ITFG2: variants seen among roughly 807,000 people sequenced by gnomAD.
The protein encoded by ITFG2 is integrin alpha FG-GAP repeat containing 2.
Under a neutral mutation model 54.4 loss-of-function variants are expected in ITFG2, and 36 were observed. The ratio of observed to expected loss-of-function variants is 0.66; its 90% CI spans 0.51 to 0.87. The LOEUF (loss-of-function observed/expected upper bound fraction) is 0.87, where lower values mean the gene tolerates loss of function less well. Among genes scored for constraint, ITFG2 ranks in the 40% least tolerant of loss-of-function variants. The pLI is 0.00. For missense variants in ITFG2, 524 were observed against 576.7 expected (o/e 0.91, Z 0.94); for synonymous variants, 211 against 225.4 (o/e 0.94, Z 0.57).
At chr12:2,857,394 CTTA>C (rs1425624717) in intron 2 of ITFG2, 1 of 306,894 alleles carries the variant, frequency 3.3e-6, no homozygotes, top group Non-Finnish European at 6.3e-6. Context: ...GTGAGCTTGT[CTTA>C]TTAAGAACCC....
chr12:2,842,840 A>C (rs2098044751), intron 2 of ITFG2, among the ~76,000 whole-genome samples: 1 of 152,054 alleles, frequency 6.6e-6, no homozygotes, highest in South Asian at 2.1e-4. Context: ...TCCTGATAGA[A>C]TCTCAATTCT....
chr12:2,855,278 G>A (rs1354630611), intron 2 of ITFG2: 49 of 1,517,862 alleles, frequency 3.2e-5, no homozygotes, highest in Non-Finnish European at 4.2e-5. Flanking sequence ...GGGTGGATGA[G>A]CCGCTGACGC....
chr12:2,859,456 G>A, intron 3 of ITFG2: 1 of 1,613,928 alleles, frequency 6.2e-7, no homozygotes, highest in South Asian at 1.1e-5. Flanking sequence ...TTGAAAGATG[G>A]GGCCGGGGAG....
chr12:2,854,911 G>C, intron 2 of ITFG2: 1 of 1,534,674 alleles, frequency 6.5e-7, no homozygotes, highest in South Asian at 1.2e-5. Flanking sequence ...GAAGCTCGCT[G>C]GCGGCTGGAT....
At chr12:2,846,855 C>T (rs902209731) in intron 2 of ITFG2, among the ~76,000 whole-genome samples, 1 of 151,974 alleles carries the variant, frequency 6.6e-6, no homozygotes, top group South Asian at 2.1e-4. Flanking sequence ...AACTGAGAAA[C>T]GCTCTACAAG....
At chr12:2,859,752 C>T (rs1033913859) in exon 4 of ITFG2, 3 of 952,208 alleles carry the variant, frequency 3.2e-6, no homozygotes, top group South Asian at 1.7e-5. Context: ...CTCTTTGTGT[C>T]GTTTTGAAGT....
downstream of ITFG2, among the ~76,000 whole-genome samples, chr12:2,828,941 T>C (rs564019081): frequency 6.6e-6 from 1 of 152,224 alleles, no homozygotes; most frequent in South Asian, 2.1e-4. Context: ...GTGCGGTGGC[T>C]CATGCTTGTA....
At chr12:2,855,339 G>A (rs764159593) in intron 2 of ITFG2, 15 of 1,434,028 alleles carry the variant, frequency 1.0e-5, no homozygotes, top group South Asian at 4.8e-5. Flanking sequence ...CCAGCTGGTG[G>A]TAGGCTTGCC....
intron 2 of ITFG2, among the ~76,000 whole-genome samples, chr12:2,853,132 T>C (rs2098076280): frequency 6.6e-6 from 1 of 151,942 alleles, no homozygotes; most frequent in African/African-American, 2.4e-5. Flanking sequence ...TGAGTCTCTC[T>C]GGAGTACTCT....
downstream of ITFG2, among the ~76,000 whole-genome samples, chr12:2,828,790 C>G (rs903491391): frequency 2.6e-5 from 4 of 152,048 alleles, no homozygotes; most frequent in East Asian, 7.7e-4. Flanking sequence ...TGTGGTGAGC[C>G]AAGATCACGC....
chr12:2,827,316 A>G, downstream of ITFG2: 1 of 1,606,542 alleles, frequency 6.2e-7, no homozygotes, highest in East Asian at 2.2e-5. This position sits in a 1 kb window ranked among gnomAD's most constrained non-coding sequence, Gnocchi z 4.0. Flanking sequence ...GGTGTAGAGC[A>G]GTCATGCCAG....
intron 2 of ITFG2, among the ~76,000 whole-genome samples, chr12:2,847,523 C>T (rs140777334): frequency 0.035 from 5,270 of 152,152 alleles, 140 homozygotes; most frequent in Middle Eastern, 0.078. Context: ...AAAAATTAGC[C>T]GGGCATCGTG....
chr12:2,843,684 G>A, intron 2 of ITFG2, among the ~76,000 whole-genome samples: 1 of 152,080 alleles, frequency 6.6e-6, no homozygotes, highest in African/African-American at 2.4e-5. Context: ...ATGGTGGCGT[G>A]CGCCCATAGT....
At chr12:2,818,835 C>T (rs559062156) in intron 4 of ITFG2, among the ~76,000 whole-genome samples, 12 of 151,842 alleles carry the variant, frequency 7.9e-5, no homozygotes, top group East Asian at 3.9e-4. Context: ...CTGGCCCACA[C>T]GGTGAAACTC....
In ITFG2 at chr12:2,821,266, AC is replaced by A. The variant is rs1244274679; in HGVS notation, c.704del (p.Pro235GlnfsTer24). 6.2e-7 allele frequency: 1 copy of A among 1,604,928 alleles called. No individual in the cohort carries two copies. Among genetic ancestry groups the A allele is most frequent in the Non-Finnish European group, 8.5e-7 (1 of 1,175,600 alleles). Reference protein sequence around the residue: ...SEGPTDGSRETPAARDVVLHQ... With the variant: ...SEGPTDGSREXPAARDVVLHQ... ...CCGTCCACCTGCTGTGCACAGGGAGACCCCAGCTGCCCGAGACGTGGTGCTG... is the reference window on the plus strand; with the variant it reads ...CCGTCCACCTGCTGTGCACAGGGAGACCCAGCTGCCCGAGACGTGGTGCTG... On this transcript the variant is annotated frameshift_variant, in exon 7 of 12. Transcript: ENST00000228799. LOFTEE classifies it high-confidence loss of function.
intron 2 of ITFG2, among the ~76,000 whole-genome samples, chr12:2,841,637 C>T (rs144898116): frequency 6.6e-4 from 101 of 152,238 alleles, no homozygotes; most frequent in African/African-American, 2.3e-3. Context: ...TTAAACCACA[C>T]GCTGGATTTT....
At chr12:2,828,338 C>G, downstream of ITFG2, 1 of 1,614,010 alleles carries the variant, frequency 6.2e-7, no homozygotes, top group African/African-American at 1.3e-5. Context: ...TTACCCCAGG[C>G]GGCTGAGACA....
exon 4 of ITFG2, chr12:2,859,645 C>G (rs777346057): frequency 6.2e-7 from 1 of 1,608,628 alleles, no homozygotes; most frequent in Non-Finnish European, 8.5e-7. Flanking sequence ...GGAGCTATCC[C>G]CTCCTCAGCT....
upstream of ITFG2, chr12:2,834,884 A>G: frequency 6.2e-7 from 1 of 1,613,382 alleles, no homozygotes; most frequent in Non-Finnish European, 8.5e-7. Context: ...GGCGTCACCG[A>G]GTCCTCTCTG....
Sources: allele counts gnomAD v4.1 joint callset (sites outside exome capture counted in the v4.1 genomes callset), GRCh38; gene constraint gnomAD v4.1.1; non-coding constraint Gnocchi (gnomAD v3.1); transcripts MANE v1.5; gene names NCBI Gene and HGNC (gene_info 2026-07-23, HGNC 2026-07-21).